Variants in SKAP1 observed in about 807,000 individuals in gnomAD.
SKAP1 encodes src kinase-associated phosphoprotein 1.
Under a neutral mutation model 58.5 loss-of-function variants are expected in SKAP1, and 44 were observed. The ratio of observed to expected loss-of-function variants is 0.75; its 90% CI spans 0.59 to 0.97. SKAP1 has a LOEUF of 0.97. SKAP1 is among the 50% of genes least tolerant of loss of function. The pLI is 0.00. For synonymous variants in SKAP1, 127 were observed against 149.7 expected, an observed-to-expected ratio of 0.85 and a Z score of 1.11; for missense variants, 390 against 435.2, an observed-to-expected ratio of 0.90 and a Z score of 0.92.
intron 4 of SKAP1, among the ~76,000 whole-genome samples, chr17:48,198,484 G>A (rs1005299400): frequency 1.6e-5 from 2 of 125,150 alleles, no homozygotes; most frequent in African/African-American, 5.4e-5. Context: ...AAAAAGAATG[G>A]GTTTTAAGTT....
chr17:48,170,773 G>A (rs531073214), intron 9 of SKAP1, 114 bp from the exon 10 acceptor site: 10 of 884,658 alleles, frequency 1.1e-5, no homozygotes, highest in South Asian at 3.2e-5. Context: ...GCAGTGGAAC[G>A]ATTTTCGGTT....
chr17:48,158,702 T>A (rs1355566612), intron 11 of SKAP1, among the ~76,000 whole-genome samples: 1 of 151,780 alleles, frequency 6.6e-6, no homozygotes, highest in South Asian at 2.1e-4. Flanking sequence ...GGCTCACGCC[T>A]GTAATCCCAG....
At position 48,311,467 on chromosome 17, in the gene SKAP1, T is replaced by G. The variant is rs144213765; in HGVS notation, c.280+34438A>C. Among the ~76,000 whole-genome samples, 490 of 152,224 alleles carry G rather than the reference T, an allele frequency of 3.2e-3. 1 individual carries two copies. Among genetic ancestry groups the G allele is most frequent in the African/African-American group, 0.011 (467 of 41,516 alleles). On this transcript the variant is annotated intron_variant, in intron 4 of 12. Coordinates refer to ENST00000336915, the MANE Select transcript of SKAP1 (RefSeq NM_003726.4). ...TGTCACAATGCCCTAAATAATTGCTTTTTTGCGGGGGAGGAGGGAAGGATA... is the reference window on the plus strand; with the variant it reads ...TGTCACAATGCCCTAAATAATTGCTGTTTTGCGGGGGAGGAGGGAAGGATA...
At chr17:48,444,520 G>A in the SKAP1 span, among the ~76,000 whole-genome samples, 5 of 152,148 alleles carry the variant, frequency 3.3e-5, no homozygotes, top group African/African-American at 1.2e-4. Flanking sequence ...TGGCAGTCTG[G>A]GATTAGGTGC....
At chr17:48,271,367 T>C (rs1052966694) in intron 4 of SKAP1, among the ~76,000 whole-genome samples, 14 of 143,110 alleles carry the variant, frequency 9.8e-5, no homozygotes, top group Admixed American at 2.8e-4. Context: ...TGTTTCTTTT[T>C]TTTTTTTTTT....
intron 11 of SKAP1, among the ~76,000 whole-genome samples, chr17:48,158,054 G>A (rs994009088): frequency 3.3e-5 from 5 of 151,508 alleles, no homozygotes; most frequent in Non-Finnish European, 7.4e-5. Flanking sequence ...GTGCAAGCCT[G>A]TAATCTCAGC....
intron 9 of SKAP1, among the ~76,000 whole-genome samples, chr17:48,177,730 G>A (rs3792692): frequency 0.56 from 84,887 of 151,892 alleles, 24,705 homozygotes; most frequent in East Asian, 0.77. Flanking sequence ...AGGAAGCTGG[G>A]TGATGGAAAC....
chr17:48,310,087 G>T (rs2066203011), intron 4 of SKAP1, among the ~76,000 whole-genome samples: 1 of 152,196 alleles, frequency 6.6e-6, no homozygotes, highest in South Asian at 2.1e-4. Context: ...TTTATCAGAA[G>T]CAGTTTTTGC....
rs375182021 is a variant in SKAP1 at position 48,338,442 on chromosome 17, G to A, written c.280+7463C>T. ...TCTGGGATTACAGGCATGAGTCACC[G>A]CGCCTGACCACTTACCATCTTTAAA... is the stretch of plus-strand genomic sequence containing the variant. On this transcript the variant is annotated intron_variant, in intron 4 of 12. Transcript: ENST00000336915. 1.5e-4 allele frequency among the ~76,000 whole-genome samples: 23 copies of A among 152,228 alleles called. No homozygotes were observed. The South Asian group carries it at 4.1e-3, about 27-fold the overall frequency.
chr17:48,279,816 C>G (rs1006815440), intron 4 of SKAP1, among the ~76,000 whole-genome samples: 5 of 152,154 alleles, frequency 3.3e-5, no homozygotes, highest in African/African-American at 1.2e-4. Context: ...GTTCTTGGGT[C>G]TTTCTCTCTT....
At chr17:48,143,427 G>C (rs749048760) in intron 11 of SKAP1, among the ~76,000 whole-genome samples, 1 of 151,582 alleles carries the variant, frequency 6.6e-6, no homozygotes, top group Non-Finnish European at 1.5e-5. Flanking sequence ...GCCTAGGCTA[G>C]CCTTGAACTC....
intron 9 of SKAP1, among the ~76,000 whole-genome samples, chr17:48,173,062 T>G (rs186012443): frequency 6.6e-6 from 1 of 152,086 alleles, no homozygotes; most frequent in Admixed American, 6.6e-5. Context: ...CACCTGTAGT[T>G]CCAGCTACTT....
the SKAP1 span, among the ~76,000 whole-genome samples, chr17:48,436,262 G>A: frequency 1.3e-5 from 2 of 152,056 alleles, no homozygotes; most frequent in African/African-American, 4.8e-5. Flanking sequence ...AGTACAGACA[G>A]GGTTTCACCA....
chr17:48,135,216 C>G (rs554807168), intron 12 of SKAP1, among the ~76,000 whole-genome samples: 4 of 152,188 alleles, frequency 2.6e-5, no homozygotes, highest in Non-Finnish European at 5.9e-5. Context: ...AGAGTGGGCT[C>G]TGGTCTGGAC....
intron 4 of SKAP1, among the ~76,000 whole-genome samples, chr17:48,243,409 C>T (rs537737834): frequency 5.3e-5 from 8 of 152,192 alleles, no homozygotes; most frequent in Admixed American, 3.9e-4. Context: ...AAGTTGTTCT[C>T]TTTGTGGTTT....
rs796210705 is a variant in SKAP1, at chr17:48,366,319, T to G, written c.153-2505A>C. Among the ~76,000 whole-genome samples, 65 of 152,346 alleles carry G rather than the reference T, an allele frequency of 4.3e-4. 1 individual carries two copies. Among genetic ancestry groups the G allele is most frequent in the African/African-American group, 1.5e-3 (63 of 41,588 alleles). On this transcript the variant is annotated intron_variant, in intron 2 of 12. Coordinates refer to ENST00000336915, the MANE Select transcript of SKAP1 (RefSeq NM_003726.4). ...GGAGAAGAAACCTGACAATTTGTCC[T>G]TCCTTGTTCCTTTCCTTTTCCAGAA... is the stretch of plus-strand genomic sequence containing the variant.
chr17:48,431,907 G>T (rs564741605), upstream of SKAP1, among the ~76,000 whole-genome samples: 1 of 152,258 alleles, frequency 6.6e-6, no homozygotes, highest in Non-Finnish European at 1.5e-5. Context: ...TGATAAAAGT[G>T]CCTGCCTCCT....
intron 4 of SKAP1, among the ~76,000 whole-genome samples, chr17:48,264,998 C>T (rs1469119833): frequency 6.6e-6 from 1 of 152,192 alleles, no homozygotes; most frequent in Non-Finnish European, 1.5e-5. Flanking sequence ...AAAAACATGA[C>T]TCTACTGGGG....
upstream of SKAP1, among the ~76,000 whole-genome samples, chr17:48,430,866 T>TC (rs2067909853): frequency 1.3e-5 from 2 of 152,112 alleles, no homozygotes; most frequent in African/African-American, 4.8e-5. Context: ...GCCCTTTCCC[T>TC]CCAGGAGCTG....
Sources: gnomAD v4.1 joint callset for allele counts (sites outside exome capture counted in the v4.1 genomes callset) on GRCh38, gnomAD v4.1.1 for gene constraint, MANE v1.5 for transcripts, NCBI Gene and HGNC (gene_info 2026-07-23, HGNC 2026-07-21) for gene names.